Variants in CCDC92 observed in about 807,000 individuals in gnomAD.
CCDC92 encodes coiled-coil domain containing 92.
Under a neutral mutation model 24.9 loss-of-function variants are expected in CCDC92, and 12 were observed. The observed-to-expected ratio is 0.48, with a 90% CI of 0.31 to 0.78. The LOEUF is 0.78. Ranked by LOEUF, CCDC92 falls within the 30% of genes least tolerant of loss-of-function variation. CCDC92 has a pLI of 0.05. For missense variants in CCDC92, 399 were observed against 439.4 expected, an observed-to-expected ratio of 0.91 and a Z score of 0.82; for synonymous variants, 193 against 196.3, an observed-to-expected ratio of 0.98 and a Z score of 0.14.
chr12:123,951,660 T>G (rs1357087852), intron 1 of CCDC92, among the ~76,000 whole-genome samples: 2 of 152,250 alleles, frequency 1.3e-5, no homozygotes, highest in African/African-American at 4.8e-5. Context: ...TGCCTGGCCC[T>G]TAACAGGGCA....
intron 4 of CCDC92, among the ~76,000 whole-genome samples, chr12:123,939,181 C>T (rs538264972): frequency 2.6e-5 from 4 of 152,356 alleles, no homozygotes; most frequent in South Asian, 2.1e-4. Flanking sequence ...CAGACCTGCA[C>T]GCCCAGTTTC....
chr12:123,948,019 A>C (rs1955924686), intron 1 of CCDC92, among the ~76,000 whole-genome samples: 1 of 152,124 alleles, frequency 6.6e-6, no homozygotes, highest in Admixed American at 6.5e-5. Flanking sequence ...CAGATGCGCC[A>C]CCTTAAGAGC....
intron 4 of CCDC92, among the ~76,000 whole-genome samples, chr12:123,941,176 G>C (rs1955672563): frequency 6.6e-6 from 1 of 152,198 alleles, no homozygotes; most frequent in Admixed American, 6.5e-5. Context: ...CCTTTCCCAA[G>C]GCTTCAGTGC....
Position 123,944,279 on chromosome 12 carries a change from G to C in CCDC92, c.27C>G (p.Tyr9Ter). The part of the protein sequence containing the change: MTSPHFSS[Y>*]DEGPLDVSMA... ...CAGGGCCCCAGACTCTACCTTCATC[G>C]TAACTCGAGAAATGTGGTGAAGTCA... The change falls in exon 2 of 5, where the codon TAC (tyrosine) becomes TAG (stop). Residue 9 changes from tyrosine to a stop codon, truncating the protein, a stop_gained. Transcript: ENST00000238156. LOFTEE classifies it high-confidence loss of function. 1 of 1,592,852 alleles carries C rather than the reference G, an allele frequency of 6.3e-7. No individual in the cohort carries two copies. Among genetic ancestry groups the C allele is most frequent in the African/African-American group, 1.4e-5 (1 of 73,686 alleles).
chr12:123,954,391 A>G (rs1233883646), intron 1 of CCDC92, among the ~76,000 whole-genome samples: 1 of 152,204 alleles, frequency 6.6e-6, no homozygotes, highest in Non-Finnish European at 1.5e-5. Context: ...AATTCTTTAG[A>G]CATTGACAGC....
intron 1 of CCDC92, among the ~76,000 whole-genome samples, chr12:123,949,074 G>A (rs1955956857): frequency 6.6e-6 from 1 of 152,108 alleles, no homozygotes; most frequent in African/African-American, 2.4e-5. Context: ...GAAACATGAA[G>A]GAGCATTCAA....
intron 1 of CCDC92, among the ~76,000 whole-genome samples, chr12:123,970,859 T>C (rs150469558): frequency 1.2e-4 from 18 of 152,380 alleles, no homozygotes; most frequent in African/African-American, 4.1e-4. Context: ...CAACATTTTA[T>C]TAACGTTAGT....
intron 1 of CCDC92, chr12:123,960,783 C>T (rs2138134098): frequency 6.6e-6 from 1 of 152,246 alleles, no homozygotes; most frequent in East Asian, 1.9e-4. Flanking sequence ...TTAGAACTGC[C>T]AAATTTAAAA....
intron 1 of CCDC92, among the ~76,000 whole-genome samples, chr12:123,952,752 G>C (rs1309449575): frequency 6.6e-6 from 1 of 152,096 alleles, no homozygotes; most frequent in African/African-American, 2.4e-5. Context: ...GGAATATTTT[G>C]GTAAAAAGAG....
rs567068113 is a variant in CCDC92 at position 123,969,426 on chromosome 12, G to A, written c.-60+3103C>T. On this transcript the variant is annotated intron_variant, in intron 1 of 4. Transcript: ENST00000238156. ...ATAAACAAACTAAAATGCGGAGCAAGCACAAGAATCATCTCTTATATCATC... is the reference window on the plus strand; with the variant it reads ...ATAAACAAACTAAAATGCGGAGCAAACACAAGAATCATCTCTTATATCATC... 1.5e-4 allele frequency among the ~76,000 whole-genome samples: 22 copies of A among 147,482 alleles called. No homozygotes were observed. In the East Asian group the frequency reaches 4.3e-3, roughly 29 times the overall value.
intron 1 of CCDC92, among the ~76,000 whole-genome samples, chr12:123,962,321 A>C (rs1277656318): frequency 2.0e-5 from 3 of 152,260 alleles, no homozygotes; most frequent in African/African-American, 7.2e-5. Flanking sequence ...TTTTATTACC[A>C]AACAAGTATT....
chr12:123,943,340 G>A lies in CCDC92; in HGVS notation c.181+7C>T, dbSNP rs111854458. 36 of 1,611,606 alleles carry A rather than the reference G, an allele frequency of 2.2e-5. No homozygotes were observed. The highest frequency in any genetic ancestry group is 3.3e-4 in the Middle Eastern group (2 of 6,060). On this transcript the variant is annotated splice_region_variant and intron_variant, in intron 3 of 4. Transcript: ENST00000238156. ...CCCCGCCTGCCCGGGCCTGCTCCCC[G>A]ATGTACCTGTGCAGTGCTGCTGCAG...
intron 1 of CCDC92, chr12:123,969,957 C>A (rs1956486640): frequency 1.3e-5 from 2 of 152,078 alleles, no homozygotes; most frequent in African/African-American, 2.4e-5. Context: ...AAATACAAAT[C>A]ATGTATAATT....
chr12:123,938,158 C>T (rs550869488), intron 4 of CCDC92, among the ~76,000 whole-genome samples: 33 of 152,350 alleles, frequency 2.2e-4, no homozygotes, highest in African/African-American at 1.7e-4. Context: ...GCCGCAAATC[C>T]CTCTGTCTGC....
At chr12:123,950,465 C>G (rs1291625369) in intron 1 of CCDC92, among the ~76,000 whole-genome samples, 1 of 152,172 alleles carries the variant, frequency 6.6e-6, no homozygotes, top group Non-Finnish European at 1.5e-5. Flanking sequence ...GACTCTTGCT[C>G]GTAATACCAG....
intron 1 of CCDC92, among the ~76,000 whole-genome samples, chr12:123,952,905 A>G (rs1956061070): frequency 6.6e-6 from 1 of 152,234 alleles, no homozygotes; most frequent in African/African-American, 2.4e-5. Context: ...TTGAGAGCTT[A>G]GCACAAGAGT....
At chr12:123,969,714 G>A (rs555195612) in intron 1 of CCDC92, among the ~76,000 whole-genome samples, 107 of 151,938 alleles carry the variant, frequency 7.0e-4, no homozygotes, top group African/African-American at 2.4e-3. Flanking sequence ...TGCCCGCCTC[G>A]GCCTCAGGAG....
At position 123,937,848 on chromosome 12, in the gene CCDC92, G is replaced by C. The variant is rs755521446; in HGVS notation, c.224-18C>G. 6.3e-7 allele frequency: 1 copy of C among 1,586,030 alleles called. No homozygotes were observed. Among genetic ancestry groups the C allele is most frequent in the Non-Finnish European group, 8.5e-7 (1 of 1,171,406 alleles). ...CCCGTCTCCTACAAGAATAAGCCGA[G>C]GAAGCAGGTGAAGAACTCATTAGAC... On this transcript the variant is annotated intron_variant, in intron 4 of 4. Transcript: ENST00000238156. This position sits in a 1 kb window ranked among gnomAD's most constrained non-coding sequence, Gnocchi z 8.4.
chr12:123,943,190 A>ATC (rs1381558029), intron 3 of CCDC92, among the ~76,000 whole-genome samples, 157 bp downstream of exon 3: 2 of 150,432 alleles, frequency 1.3e-5, no homozygotes, highest in Non-Finnish European at 3.0e-5. Flanking sequence ...TGCTTAGTGC[A>ATC]TCTTGATTAT....
Sources: gnomAD v4.1 joint callset for allele counts (sites outside exome capture counted in the v4.1 genomes callset) on GRCh38, gnomAD v4.1.1 for gene constraint, Gnocchi (gnomAD v3.1) non-coding constraint, MANE v1.5 for transcripts, NCBI Gene and HGNC (gene_info 2026-07-23, HGNC 2026-07-21) for gene names.